The following TMEM161B variants were observed in gnomAD, a reference collection of about 807,000 sequenced individuals.
TMEM161B encodes the protein transmembrane protein 161B.
Under a neutral mutation model 61.8 loss-of-function variants are expected in TMEM161B, and 34 were observed. The ratio of observed to expected loss-of-function variants is 0.55; its 90% CI spans 0.42 to 0.73. The LOEUF is 0.73. Ranked by LOEUF, TMEM161B falls within the 30% of genes least tolerant of loss-of-function variation. The pLI is 0.00. For missense variants in TMEM161B, 456 were observed against 558.5 expected (o/e 0.82, Z 1.85); for synonymous variants, 167 against 192.8 (o/e 0.87, Z 1.11).
chr5:88,202,876 T>G lies in TMEM161B; in HGVS notation c.914+86A>C, dbSNP rs957139282. 5.5e-6 allele frequency: 5 copies of G among 914,484 alleles called. 1 individual carries two copies. Among genetic ancestry groups the G allele is most frequent in the Non-Finnish European group, 9.0e-6 (5 of 552,608 alleles). The allele number at this position is 914,484 out of a possible 1,614,324, so 56.6% of individuals were successfully genotyped here. ...TGTCTGAAAAATACAGTGTCCTGATTTTATCACTGAAAACGAAATACAGTA... is the reference window on the plus strand; with the variant it reads ...TGTCTGAAAAATACAGTGTCCTGATGTTATCACTGAAAACGAAATACAGTA... On this transcript the variant is annotated intron_variant, in intron 9 of 11. Transcript: ENST00000296595.
intron 1 of TMEM161B, among the ~76,000 whole-genome samples, chr5:88,256,014 T>G (rs1754937315): frequency 6.6e-6 from 1 of 151,948 alleles, no homozygotes. Flanking sequence ...AATTTAGAAA[T>G]AAAAAGACAT....
intron 2 of TMEM161B, among the ~76,000 whole-genome samples, chr5:88,232,904 A>G (rs1751248125): frequency 6.6e-6 from 1 of 152,196 alleles, no homozygotes; most frequent in African/African-American, 2.4e-5. Context: ...AAATATACTC[A>G]TATTTGTTAA....
intron 1 of TMEM161B, among the ~76,000 whole-genome samples, chr5:88,243,086 T>C (rs2112670167): frequency 6.6e-6 from 1 of 151,898 alleles, no homozygotes; most frequent in East Asian, 1.9e-4. Context: ...ATTTTACTTA[T>C]TTATTTAACT....
chr5:88,230,741 A>G (rs972491356), intron 2 of TMEM161B, among the ~76,000 whole-genome samples: 1 of 152,142 alleles, frequency 6.6e-6, no homozygotes, highest in African/African-American at 2.4e-5. Context: ...CTTGTGGTAT[A>G]ATAAAAAATA....
In TMEM161B at chr5:88,235,104, C is replaced by T. The variant is rs145393463; in HGVS notation, c.107+5709G>A. On this transcript the variant is annotated intron_variant, in intron 2 of 11. Coordinates refer to ENST00000296595, the MANE Select transcript of TMEM161B (RefSeq NM_153354.5). ...ATAAACCTCTAATATAAAATATTAT[C>T]AGACAACTACAACTCTTACTAAAAC... 3.4e-3 allele frequency among the ~76,000 whole-genome samples: 518 copies of T among 152,182 alleles called. 2 individuals carry two copies. The highest frequency in any genetic ancestry group is 0.012 in the African/African-American group (495 of 41,512).
intron 1 of TMEM161B, among the ~76,000 whole-genome samples, chr5:88,266,847 T>C (rs1257159087): frequency 1.3e-5 from 2 of 152,188 alleles, no homozygotes; most frequent in African/African-American, 4.8e-5. Context: ...GCCAAGATAA[T>C]TAGCTCAGAA....
At chr5:88,225,519 T>G (rs1403493312) in intron 4 of TMEM161B, among the ~76,000 whole-genome samples, 1 of 152,204 alleles carries the variant, frequency 6.6e-6, no homozygotes, top group Non-Finnish European at 1.5e-5. Context: ...AAATTGACTG[T>G]GACCTCAATC....
chr5:88,246,052 A>T (rs1753570507), intron 1 of TMEM161B, among the ~76,000 whole-genome samples: 1 of 151,896 alleles, frequency 6.6e-6, no homozygotes, highest in Non-Finnish European at 1.5e-5. Flanking sequence ...CAAACATCAT[A>T]GTACATTCTC....
At chr5:88,217,591 G>A (rs2112501414) in intron 5 of TMEM161B, among the ~76,000 whole-genome samples, 1 of 151,620 alleles carries the variant, frequency 6.6e-6, no homozygotes, top group African/African-American at 2.4e-5. Flanking sequence ...GGTGGTGGGG[G>A]GTAATAATAG....
In TMEM161B at chr5:88,268,755, C is replaced by A; in HGVS notation, c.-32G>T. The A allele has an allele frequency of 6.2e-7, 1 of 1,614,032 alleles. No individual in the cohort carries two copies. The highest frequency in any genetic ancestry group is 8.5e-7 in the Non-Finnish European group (1 of 1,179,936). On this transcript the variant is annotated 5_prime_UTR_variant, in exon 1 of 12. The change creates a new upstream start codon in the 5' untranslated region. Coordinates refer to ENST00000296595, the MANE Select transcript of TMEM161B (RefSeq NM_153354.5). ...TAGGATAGGTCGTGGACCAGACACC[C>A]TGGAGTTGCCGGGGCAGTCCCAAAC...
chr5:88,258,143 TA>T (rs1174008626), intron 1 of TMEM161B, among the ~76,000 whole-genome samples: 6 of 152,206 alleles, frequency 3.9e-5, no homozygotes, highest in South Asian at 2.1e-4. Flanking sequence ...CATCAAGAAC[TA>T]AATGTCTCAA....
chr5:88,246,409 T>A (rs1314297093), intron 1 of TMEM161B, among the ~76,000 whole-genome samples: 1 of 151,782 alleles, frequency 6.6e-6, no homozygotes, highest in Non-Finnish European at 1.5e-5. Context: ...TAAAAACGAA[T>A]CCTCAGAATA....
At chr5:88,199,504 TA>T (rs1743964832) in intron 9 of TMEM161B, 2 of 163,784 alleles carry the variant, frequency 1.2e-5, no homozygotes, top group East Asian at 3.5e-4. Flanking sequence ...CCTGTGGGAC[TA>T]ATCAAGTCAA....
intron 5 of TMEM161B, among the ~76,000 whole-genome samples, chr5:88,210,295 A>C (rs1419864004): frequency 6.6e-6 from 1 of 152,232 alleles, no homozygotes; most frequent in Non-Finnish European, 1.5e-5. Flanking sequence ...AAAATATGGG[A>C]ATGTATACAA....
intron 2 of TMEM161B, among the ~76,000 whole-genome samples, chr5:88,238,922 G>A (rs1188917761): frequency 6.6e-6 from 1 of 151,838 alleles, no homozygotes; most frequent in Non-Finnish European, 1.5e-5. Context: ...TAGCAGAAAA[G>A]TAACCACTAC....
chr5:88,192,581 T>C (rs1008083564), downstream of TMEM161B, among the ~76,000 whole-genome samples: 9 of 152,192 alleles, frequency 5.9e-5, no homozygotes, highest in African/African-American at 1.9e-4. Flanking sequence ...GGTATGAACA[T>C]AATAAGATGG....
rs142739117 is a variant in TMEM161B at position 88,215,649 on chromosome 5, C to T, written c.446+4914G>A. On this transcript the variant is annotated intron_variant, in intron 5 of 11. Transcript: ENST00000296595. The stretch of plus-strand genomic sequence containing the variant: ...CTGGGATAGGGAGACAGCCAGCGAG[C>T]TACAGGATTCCTGCAGAGATGTTAC... 7.9e-4 allele frequency among the ~76,000 whole-genome samples: 121 copies of T among 152,308 alleles called. No homozygotes were observed. The South Asian group carries it at 0.012, about 15-fold the overall frequency.
chr5:88,267,354 A>C (rs1756525958), intron 1 of TMEM161B, among the ~76,000 whole-genome samples: 1 of 152,204 alleles, frequency 6.6e-6, no homozygotes, highest in African/African-American at 2.4e-5. Context: ...GCTTAAAAAA[A>C]AAAACTTTAA....
intron 3 of TMEM161B, among the ~76,000 whole-genome samples, chr5:88,226,148 C>T (rs1750017316): frequency 6.6e-6 from 1 of 152,124 alleles, no homozygotes; most frequent in African/African-American, 2.4e-5. Flanking sequence ...GCATTTCACA[C>T]CCATTTCTCC....
Sources: allele counts gnomAD v4.1 joint callset (sites outside exome capture counted in the v4.1 genomes callset), GRCh38; gene constraint gnomAD v4.1.1; transcripts MANE v1.5; gene names NCBI Gene and HGNC (gene_info 2026-07-23, HGNC 2026-07-21).